NAALADL2: variants seen among roughly 807,000 people sequenced by gnomAD.
NAALADL2 encodes the protein N-acetylated alpha-linked acidic dipeptidase like 2, also known as inactive N-acetylated-alpha-linked acidic dipeptidase-like protein 2.
Under a neutral mutation model 87.2 loss-of-function variants are expected in NAALADL2, and 76 were observed. The observed-to-expected ratio is 0.87, with a 90% CI of 0.72 to 1.05. NAALADL2 has a LOEUF of 1.05. Among genes scored for constraint, NAALADL2 ranks in the 50% least tolerant of loss-of-function variants. The pLI, the probability that NAALADL2 is intolerant of heterozygous loss-of-function variation, is 0.00. For synonymous variants in NAALADL2, 354 were observed against 331.0 expected, an observed-to-expected ratio of 1.07 and a Z score of -0.75; for missense variants, 1,089 against 945.8, an observed-to-expected ratio of 1.15 and a Z score of -1.99.
At chr3:174,869,704 T>C (rs1391385010) in intron 1 of NAALADL2, among the ~76,000 whole-genome samples, 2 of 151,970 alleles carry the variant, frequency 1.3e-5, no homozygotes, top group East Asian at 1.9e-4. Flanking sequence ...AGGCAAGAGA[T>C]AGTGTCAGTG....
chr3:175,020,888 C>A lies in NAALADL2; in HGVS notation c.44-75902C>A, dbSNP rs554576143. On this transcript the variant is annotated intron_variant, in intron 1 of 13. Transcript: ENST00000454872. Reference sequence around the variant, plus strand: ...CTGGACTTCCTGCCAGGGATACCTGCCTCCAGCAAAGATATTAGCATCTCT... The same window carrying A: ...CTGGACTTCCTGCCAGGGATACCTGACTCCAGCAAAGATATTAGCATCTCT... Among the ~76,000 whole-genome samples, 86 of 152,148 alleles carry A rather than the reference C, an allele frequency of 5.7e-4. 1 individual carries two copies. The highest frequency in any genetic ancestry group is 1.8e-3 in the African/African-American group (76 of 41,550).
intron 3 of NAALADL2, among the ~76,000 whole-genome samples, chr3:174,839,162 C>T (rs546067905): frequency 2.6e-5 from 4 of 152,142 alleles, no homozygotes; most frequent in Non-Finnish European, 5.9e-5. Flanking sequence ...AACAAAGGGA[C>T]AGCATAGATA....
chr3:175,172,791 G>A (rs561003271), intron 2 of NAALADL2, among the ~76,000 whole-genome samples: 3 of 152,218 alleles, frequency 2.0e-5, no homozygotes, highest in African/African-American at 7.2e-5. Flanking sequence ...TTAGAATTTG[G>A]ATTATTGAAA....
chr3:174,684,722 G>A (rs1727867088), intron 2 of NAALADL2, among the ~76,000 whole-genome samples: 1 of 152,104 alleles, frequency 6.6e-6, no homozygotes, highest in Non-Finnish European at 1.5e-5. Flanking sequence ...TTGATTAAAT[G>A]TGTGGTTCCT....
chr3:174,916,214 A>G (rs552105667), intron 1 of NAALADL2, among the ~76,000 whole-genome samples: 98 of 152,252 alleles, frequency 6.4e-4, no homozygotes, highest in African/African-American at 2.2e-3. Context: ...GTCAAAAACA[A>G]CAGATGTTGG....
chr3:174,546,920 C>A (rs916238581), intron 1 of NAALADL2, among the ~76,000 whole-genome samples: 3 of 152,006 alleles, frequency 2.0e-5, no homozygotes, highest in Non-Finnish European at 4.4e-5. Context: ...GTTTCCTGTT[C>A]TCTTTGCCTT....
intron 1 of NAALADL2, chr3:174,523,550 T>A (rs1720462994): frequency 6.6e-6 from 1 of 152,338 alleles, no homozygotes; most frequent in South Asian, 2.1e-4. Context: ...GTAATAAAGG[T>A]ATGTAATAGG....
intron 1 of NAALADL2, among the ~76,000 whole-genome samples, chr3:174,476,928 G>A (rs1440300966): frequency 6.6e-6 from 1 of 151,994 alleles, no homozygotes; most frequent in Non-Finnish European, 1.5e-5. Flanking sequence ...AGGGAAGTGC[G>A]AAAGATTCAG....
chr3:174,577,897 T>C (rs1223052523), intron 2 of NAALADL2, among the ~76,000 whole-genome samples: 2 of 152,006 alleles, frequency 1.3e-5, no homozygotes, highest in Non-Finnish European at 2.9e-5. Context: ...ATGGTTCTGA[T>C]TAGTGAAAAG....
chr3:175,610,097 CTT>C (rs1355448605), intron 10 of NAALADL2, among the ~76,000 whole-genome samples: 2 of 152,012 alleles, frequency 1.3e-5, no homozygotes, highest in African/African-American at 4.8e-5. Flanking sequence ...TGTTAATAAA[CTT>C]GTGTTTGTTG....
intron 1 of NAALADL2, among the ~76,000 whole-genome samples, chr3:174,989,270 C>T (rs1417058835): frequency 6.6e-6 from 1 of 152,134 alleles, no homozygotes; most frequent in African/African-American, 2.4e-5. Context: ...CAAACAATAG[C>T]AGTCACATTG....
intron 3 of NAALADL2, among the ~76,000 whole-genome samples, chr3:174,748,396 A>G (rs999525033): frequency 1.3e-5 from 2 of 151,966 alleles, no homozygotes; most frequent in South Asian, 2.1e-4. Flanking sequence ...AAGAAAACCA[A>G]TTCTCATCCT....
chr3:175,345,059 C>T (rs1762982461), intron 5 of NAALADL2, among the ~76,000 whole-genome samples: 1 of 107,318 alleles, frequency 9.3e-6, no homozygotes, highest in Admixed American at 1.0e-4. Flanking sequence ...AGTCCAAAGC[C>T]TATGCTGTTA....
chr3:175,197,769 A>G (rs1739235704), intron 2 of NAALADL2, among the ~76,000 whole-genome samples: 2 of 152,066 alleles, frequency 1.3e-5, no homozygotes, highest in South Asian at 4.1e-4. Context: ...CAGGGAGTTT[A>G]CATGGGAGGT....
In NAALADL2 at chr3:174,916,460, C is replaced by T. The variant is rs148935265; in HGVS notation, c.43+57010C>T. Among the ~76,000 whole-genome samples, 188 of 152,108 alleles carry T rather than the reference C, an allele frequency of 1.2e-3. 1 individual carries two copies. The highest frequency in any genetic ancestry group is 4.2e-3 in the African/African-American group (174 of 41,526). On this transcript the variant is annotated intron_variant, in intron 1 of 13. Transcript: ENST00000454872. Reference sequence around the variant, plus strand: ...ATTCACAATTGCAAAGATAGGGAACCAATCTAAATGCTCATTGACCAATGA... The same window carrying T: ...ATTCACAATTGCAAAGATAGGGAACTAATCTAAATGCTCATTGACCAATGA...
intron 9 of NAALADL2, among the ~76,000 whole-genome samples, chr3:175,541,324 G>T (rs1251108538): frequency 1.3e-5 from 2 of 152,116 alleles, no homozygotes; most frequent in Admixed American, 1.3e-4. Flanking sequence ...CCCATCAAAA[G>T]TTGAAAATAT....
intron 1 of NAALADL2, among the ~76,000 whole-genome samples, chr3:175,030,238 A>G (rs939353450): frequency 1.6e-4 from 24 of 152,098 alleles, no homozygotes; most frequent in Admixed American, 9.9e-4. Context: ...CCTCTGATAT[A>G]ACAATGTGCC....
intron 4 of NAALADL2, among the ~76,000 whole-genome samples, chr3:175,305,006 T>C (rs1184805440): frequency 2.0e-5 from 3 of 152,162 alleles, no homozygotes; most frequent in African/African-American, 7.2e-5. Context: ...AAAAGTTTCA[T>C]TGTTACATAT....
chr3:175,755,415 A>C lies in NAALADL2; in HGVS notation c.2186A>C (p.Tyr729Ser). ...GTAAAGCAGGCACCACCAGGTTTTT[A>C]TAGGTAGGATGCATGTCTCAAAAAT... ...FLVKQAPPGF[Y>S]RNILYHLDEK... is the part of the protein sequence containing the mutation. Residue 729 changes from tyrosine (Y) to serine (S), a missense_variant, in exon 13 of 14, where the codon TAT becomes TCT. Physicochemically the swap from Tyr to Ser is moderately radical, Grantham distance 144 (BLOSUM62 -2). Transcript: ENST00000454872. 6.3e-7 allele frequency: 1 copy of C among 1,587,670 alleles called. No homozygotes were observed. Among genetic ancestry groups the C allele is most frequent in the Non-Finnish European group, 8.6e-7 (1 of 1,165,844 alleles).
Sources: allele counts gnomAD v4.1 joint callset (sites outside exome capture counted in the v4.1 genomes callset), GRCh38; gene constraint gnomAD v4.1.1; transcripts MANE v1.5; gene names NCBI Gene and HGNC (gene_info 2026-07-23, HGNC 2026-07-21).